MDGA2: variants seen among roughly 807,000 people sequenced by gnomAD.
MDGA2 encodes MAM domain containing glycosylphosphatidylinositol anchor 2.
MDGA2 carries 40 observed loss-of-function variants against 117.8 expected under a neutral mutation model. That is an observed-to-expected ratio of 0.34 (90% CI 0.26 to 0.44). The LOEUF is 0.44. Among genes scored for constraint, MDGA2 ranks in the 20% least tolerant of loss-of-function variants. The pLI, the probability that MDGA2 is intolerant of heterozygous loss-of-function variation, is 1.00. For synonymous variants in MDGA2, 452 were observed against 439.0 expected (o/e 1.03, Z -0.37); for missense variants, 1,123 against 1,250.6 (o/e 0.90, Z 1.54).
chr14:46,893,635 A>C (rs1427581337), intron 10 of MDGA2, among the ~76,000 whole-genome samples: 2 of 152,048 alleles, frequency 1.3e-5, no homozygotes, highest in African/African-American at 2.4e-5. Context: ...TATACCTTAA[A>C]AATGTACAAT....
intron 8 of MDGA2, among the ~76,000 whole-genome samples, chr14:47,025,635 G>A (rs575528547): frequency 5.9e-5 from 9 of 151,744 alleles, no homozygotes; most frequent in Non-Finnish European, 1.3e-4. Flanking sequence ...ACATATTACT[G>A]GAATCTAAAG....
intron 8 of MDGA2, among the ~76,000 whole-genome samples, chr14:46,992,930 A>G (rs1887146695): frequency 6.6e-6 from 1 of 152,190 alleles, no homozygotes; most frequent in African/African-American, 2.4e-5. Flanking sequence ...TTTAATATTG[A>G]CAAGTGAAAA....
intron 11 of MDGA2, among the ~76,000 whole-genome samples, chr14:46,877,753 C>A (rs1882290445): frequency 6.6e-6 from 1 of 151,796 alleles, no homozygotes; most frequent in African/African-American, 2.4e-5. Context: ...CTAAATAGCA[C>A]AGGAAATGTT....
Position 47,208,657 on chromosome 14 carries a change from T to C in MDGA2, c.595+9364A>G, listed in dbSNP as rs200741214. Reference sequence around the variant, plus strand: ...TGGAAATCAGAACCCTGGATGCCAATGTCCATTCTCTGGCTGACTCAGCAG... The same window carrying C: ...TGGAAATCAGAACCCTGGATGCCAACGTCCATTCTCTGGCTGACTCAGCAG... On this transcript the variant is annotated intron_variant, in intron 3 of 16. Coordinates refer to ENST00000399232, the MANE Select transcript of MDGA2 (RefSeq NM_001113498.3). 1.4e-4 allele frequency among the ~76,000 whole-genome samples: 22 copies of C among 151,932 alleles called. No individual in the cohort carries two copies. The East Asian group carries it at 2.7e-3, about 19-fold the overall frequency.
chr14:47,151,889 C>T (rs1883177913), intron 3 of MDGA2, among the ~76,000 whole-genome samples: 1 of 151,780 alleles, frequency 6.6e-6, no homozygotes, highest in Non-Finnish European at 1.5e-5. Flanking sequence ...ACTCAATAAT[C>T]TAATAAATTA....
chr14:47,304,030 C>A (rs1044323239), intron 1 of MDGA2, among the ~76,000 whole-genome samples: 5 of 152,132 alleles, frequency 3.3e-5, no homozygotes, highest in African/African-American at 1.2e-4. Flanking sequence ...CTGCATACTG[C>A]AGTCATCATG....
At chr14:47,169,455 T>C (rs2139312297) in intron 3 of MDGA2, among the ~76,000 whole-genome samples, 1 of 152,008 alleles carries the variant, frequency 6.6e-6, no homozygotes, top group East Asian at 1.9e-4. Context: ...GATATAATTG[T>C]AACTATAACT....
intron 9 of MDGA2, among the ~76,000 whole-genome samples, chr14:46,955,017 G>C (rs758697001): frequency 1.3e-5 from 2 of 151,900 alleles, no homozygotes; most frequent in Non-Finnish European, 2.9e-5. Context: ...GTATAACATA[G>C]AATGATATTC....
chr14:46,933,510 G>A (rs540182890), intron 9 of MDGA2, among the ~76,000 whole-genome samples: 1 of 151,404 alleles, frequency 6.6e-6, no homozygotes, highest in Admixed American at 6.6e-5. Flanking sequence ...CAAAATATAA[G>A]TGTTTAATAA....
chr14:47,089,236 G>A (rs1891019888), intron 6 of MDGA2, among the ~76,000 whole-genome samples: 1 of 152,086 alleles, frequency 6.6e-6, no homozygotes, highest in Admixed American at 6.5e-5. Context: ...GTAAAAATTT[G>A]GCTAAAATTT....
chr14:47,596,951 G>A (rs1157005340), intron 1 of MDGA2, among the ~76,000 whole-genome samples: 1 of 152,146 alleles, frequency 6.6e-6, no homozygotes, highest in African/African-American at 2.4e-5. Flanking sequence ...CATTCTGTAA[G>A]AGCCCTGCTC....
At chr14:47,127,578 C>A (rs1051151109) in intron 5 of MDGA2, among the ~76,000 whole-genome samples, 1 of 151,970 alleles carries the variant, frequency 6.6e-6, no homozygotes, top group African/African-American at 2.4e-5. Flanking sequence ...CAATTACTTA[C>A]CATAATTCTA....
intron 2 of MDGA2, among the ~76,000 whole-genome samples, chr14:47,257,555 C>T (rs1015449617): frequency 1.3e-5 from 2 of 152,078 alleles, no homozygotes; most frequent in African/African-American, 4.8e-5. Flanking sequence ...CAGGAATTGG[C>T]ATCATTTTGT....
rs1038955936 is a variant in MDGA2 at position 47,675,072 on chromosome 14, A to C, written c.-276T>G. On this transcript the variant is annotated 5_prime_UTR_variant, in exon 1 of 17. Transcript: ENST00000399232. ...GCCGCGCGGTAGGAGCCTGGCTTGG[A>C]CAGCCGAGGAGCAGGAAGTGGCCTC... 6.1e-6 allele frequency: 1 copy of C among 163,142 alleles called. No individual in the cohort carries two copies. The highest frequency in any genetic ancestry group is 1.3e-5 in the Non-Finnish European group (1 of 75,674). The allele number at this position is 163,142 out of a possible 1,614,324, so 10.1% of individuals were successfully genotyped here.
chr14:47,154,619 C>G (rs1207479115), intron 3 of MDGA2, among the ~76,000 whole-genome samples: 3 of 151,404 alleles, frequency 2.0e-5, no homozygotes, highest in Admixed American at 6.6e-5. Context: ...AGCCCAAGCG[C>G]TGTCAAGACC....
intron 3 of MDGA2, chr14:47,201,167 G>C: frequency 1.5e-6 from 1 of 650,058 alleles, no homozygotes; most frequent in South Asian, 1.5e-5. Flanking sequence ...TAGTTTACCT[G>C]CTCCATCAAC....
chr14:47,540,563 T>TATATATATATATACACAC lies in MDGA2; in HGVS notation c.280+133953_280+133954insGTGTGTATATATATATAT, dbSNP rs370481455. Among the ~76,000 whole-genome samples, 54 of 112,488 alleles carry TATATATATATATACACAC rather than the reference T, an allele frequency of 4.8e-4. 2 individuals are homozygous for TATATATATATATACACAC. Among genetic ancestry groups the TATATATATATATACACAC allele is most frequent in the South Asian group, 1.9e-3 (4 of 2,130 alleles). The allele number at this position is 112,488 out of a possible 152,430, so 73.8% of individuals were successfully genotyped here. On this transcript the variant is annotated intron_variant, in intron 1 of 16. Transcript: ENST00000399232. ...GTGTATATATATATATGTATATATATACACACACACATAGAGAGAGAGACA... is the reference window on the plus strand; with the variant it reads ...GTGTATATATATATATGTATATATATATATATATATATACACACACACACACACATAGAGAGAGAGACA...
chr14:47,325,208 A>C (rs993369107), intron 1 of MDGA2, among the ~76,000 whole-genome samples: 1 of 152,190 alleles, frequency 6.6e-6, no homozygotes, highest in Non-Finnish European at 1.5e-5. Flanking sequence ...TCTCAACTAA[A>C]CTATGAAACT....
chr14:47,002,961 C>G (rs980801224), intron 8 of MDGA2, among the ~76,000 whole-genome samples: 1 of 152,016 alleles, frequency 6.6e-6, no homozygotes, highest in Non-Finnish European at 1.5e-5. Flanking sequence ...CCATCAACCC[C>G]AAGTTTCTTC....
Sources: allele counts gnomAD v4.1 joint callset (sites outside exome capture counted in the v4.1 genomes callset), GRCh38; gene constraint gnomAD v4.1.1; transcripts MANE v1.5; gene names NCBI Gene and HGNC (gene_info 2026-07-23, HGNC 2026-07-21).